WWOX: variants seen among roughly 807,000 people sequenced by gnomAD.
The protein encoded by WWOX is WW domain containing oxidoreductase.
A neutral mutation model predicts 46.2 loss-of-function variants in WWOX; 69 were observed. The ratio of observed to expected loss-of-function variants is 1.49; its 90% CI spans 1.23 to 1.82. WWOX has a LOEUF of 1.82. WWOX is among the 40% of genes most tolerant of loss of function. WWOX has a pLI of 0.00. For missense variants in WWOX, 919 were observed against 542.6 expected, an observed-to-expected ratio of 1.69 and a Z score of -6.89; for synonymous variants, 359 against 202.6, an observed-to-expected ratio of 1.77 and a Z score of -6.56.
chr16:78,852,312 G>A (rs188593688), intron 8 of WWOX, among the ~76,000 whole-genome samples: 15 of 152,238 alleles, frequency 9.9e-5, no homozygotes, highest in African/African-American at 1.4e-4. Flanking sequence ...AAGTGATAGC[G>A]CATGACCTCT....
intron 8 of WWOX, chr16:78,526,593 T>A (rs1231587169): frequency 2.0e-5 from 3 of 152,152 alleles, no homozygotes; most frequent in Non-Finnish European, 4.4e-5. Context: ...GATCCTCTGC[T>A]CTAGGACACA....
intron 5 of WWOX, among the ~76,000 whole-genome samples, chr16:78,239,794 C>G (rs759786634): frequency 8.5e-5 from 13 of 152,120 alleles, no homozygotes; most frequent in Non-Finnish European, 1.5e-4. Context: ...CTCAACCTCC[C>G]AAAATGCCGG....
At chr16:78,209,320 C>G (rs752272488) in intron 5 of WWOX, among the ~76,000 whole-genome samples, 8 of 152,154 alleles carry the variant, frequency 5.3e-5, no homozygotes, top group Non-Finnish European at 7.3e-5. Flanking sequence ...TTAGGCTGCT[C>G]CACTGATACT....
chr16:78,457,287 G>C lies in WWOX; in HGVS notation c.1056+24535G>C, dbSNP rs529269238. Among the ~76,000 whole-genome samples, 3 of 152,242 alleles carry C rather than the reference G, an allele frequency of 2.0e-5. No homozygotes were observed. In the East Asian group the frequency reaches 5.8e-4, roughly 29 times the overall value. On this transcript the variant is annotated intron_variant, in intron 8 of 8. Coordinates refer to ENST00000566780, the MANE Select transcript of WWOX (RefSeq NM_016373.4). ...CTCTCCTGCAAATATTCCATTGCAC[G>C]ACTTTAAATAAAGCAGCAAGAAGTC... is the stretch of plus-strand genomic sequence containing the variant.
At chr16:78,790,305 C>G (rs1403346994) in intron 8 of WWOX, among the ~76,000 whole-genome samples, 4 of 151,932 alleles carry the variant, frequency 2.6e-5, no homozygotes, top group East Asian at 1.9e-4. Context: ...TGACTGATTT[C>G]TGTATTTTCA....
chr16:78,635,845 A>G (rs891802259), intron 8 of WWOX, among the ~76,000 whole-genome samples: 1 of 152,174 alleles, frequency 6.6e-6, no homozygotes, highest in Admixed American at 6.5e-5. Context: ...GTTTCCTTGC[A>G]GATATCATTG....
At chr16:78,648,452 TG>T (rs2046894638) in intron 8 of WWOX, among the ~76,000 whole-genome samples, 1 of 152,178 alleles carries the variant, frequency 6.6e-6, no homozygotes, top group African/African-American at 2.4e-5. Flanking sequence ...TAGGATATCT[TG>T]CTAATGAGAC....
At chr16:78,290,531 G>T (rs997693070) in intron 5 of WWOX, among the ~76,000 whole-genome samples, 1 of 152,096 alleles carries the variant, frequency 6.6e-6, no homozygotes, top group Non-Finnish European at 1.5e-5. Flanking sequence ...GTCTGCAAGG[G>T]ACCGTATTTA....
At chr16:78,655,891 G>A (rs1322142671) in intron 8 of WWOX, among the ~76,000 whole-genome samples, 4 of 152,086 alleles carry the variant, frequency 2.6e-5, no homozygotes, top group African/African-American at 7.2e-5. Flanking sequence ...CCTTTTCTCA[G>A]TACCCCAGCT....
intron 4 of WWOX, among the ~76,000 whole-genome samples, chr16:78,134,393 C>G (rs2033716950): frequency 6.6e-6 from 1 of 151,926 alleles, no homozygotes. Flanking sequence ...CTGAATTTTA[C>G]CTATTCTGTA....
At chr16:78,858,615 C>T (rs1337325624) in intron 8 of WWOX, among the ~76,000 whole-genome samples, 1 of 151,940 alleles carries the variant, frequency 6.6e-6, no homozygotes, top group Non-Finnish European at 1.5e-5. Flanking sequence ...GCTGAGAAGG[C>T]TTTGAGGAGG....
At chr16:78,973,870 C>T (rs565610060) in intron 8 of WWOX, among the ~76,000 whole-genome samples, 1 of 152,216 alleles carries the variant, frequency 6.6e-6, no homozygotes, top group African/African-American at 2.4e-5. Context: ...ACGGAAATTT[C>T]TATCTCCAAC....
intron 8 of WWOX, among the ~76,000 whole-genome samples, chr16:78,698,672 T>C (rs973753959): frequency 5.3e-5 from 8 of 152,272 alleles, no homozygotes; most frequent in Middle Eastern, 3.4e-3. Flanking sequence ...TATATCCATA[T>C]GATAAACCTT....
intron 7 of WWOX, among the ~76,000 whole-genome samples, chr16:78,425,963 C>G (rs1246869718): frequency 6.6e-6 from 1 of 152,040 alleles, no homozygotes; most frequent in African/African-American, 2.4e-5. Flanking sequence ...AAATGTAACC[C>G]CTGGGACTTG....
At chr16:78,511,820 G>A (rs545759867) in intron 8 of WWOX, among the ~76,000 whole-genome samples, 1 of 152,298 alleles carries the variant, frequency 6.6e-6, no homozygotes, top group Non-Finnish European at 1.5e-5. Flanking sequence ...GATGGCTTTT[G>A]TCAGAAGGGT....
chr16:78,859,653 C>G (rs947777873), intron 8 of WWOX, among the ~76,000 whole-genome samples: 1 of 152,090 alleles, frequency 6.6e-6, no homozygotes, highest in African/African-American at 2.4e-5. Flanking sequence ...TTCTGTGATT[C>G]TCTTGGTTTA....
At chr16:78,926,928 C>T (rs1235815718) in intron 8 of WWOX, among the ~76,000 whole-genome samples, 2 of 152,096 alleles carry the variant, frequency 1.3e-5, no homozygotes, top group African/African-American at 4.8e-5. Context: ...TCCTAAGTAG[C>T]TGGGAGCACA....
intron 8 of WWOX, among the ~76,000 whole-genome samples, chr16:78,956,308 G>A (rs2046165637): frequency 6.6e-6 from 1 of 152,064 alleles, no homozygotes; most frequent in African/African-American, 2.4e-5. Context: ...ACCATACCCA[G>A]CTCATTTTTT....
chr16:78,815,194 A>G (rs1050273476), intron 8 of WWOX, among the ~76,000 whole-genome samples: 1 of 152,118 alleles, frequency 6.6e-6, no homozygotes, highest in East Asian at 1.9e-4. Context: ...GCATGGTGGC[A>G]CACACCTGTA....
Sources: allele counts gnomAD v4.1 joint callset (sites outside exome capture counted in the v4.1 genomes callset), GRCh38; gene constraint gnomAD v4.1.1; transcripts MANE v1.5; gene names NCBI Gene and HGNC (gene_info 2026-07-23, HGNC 2026-07-21).